RBM47: variants seen among roughly 807,000 people sequenced by gnomAD.
RBM47 encodes the protein RNA-binding protein 47.
A neutral mutation model predicts 47.1 loss-of-function variants in RBM47; 21 were observed. That is an observed-to-expected ratio of 0.45 (90% CI 0.32 to 0.64). The LOEUF is 0.64. Among genes scored for constraint, RBM47 ranks in the 30% least tolerant of loss-of-function variants. RBM47 has a pLI of 0.05. For synonymous variants in RBM47, 375 were observed against 361.7 expected (o/e 1.04, Z -0.42); for missense variants, 708 against 870.9 (o/e 0.81, Z 2.35).
intron 1 of RBM47, among the ~76,000 whole-genome samples, chr4:40,625,685 A>G (rs1737676597): frequency 6.6e-6 from 1 of 152,178 alleles, no homozygotes; most frequent in African/African-American, 2.4e-5. Flanking sequence ...CCCACCAGGA[A>G]CCCACTGTGG....
intron 1 of RBM47, among the ~76,000 whole-genome samples, chr4:40,552,553 G>A (rs1328115041): frequency 6.6e-6 from 1 of 152,176 alleles, no homozygotes; most frequent in Admixed American, 6.6e-5. Context: ...ACTCATTTCT[G>A]TATATGGCTG....
intron 2 of RBM47, among the ~76,000 whole-genome samples, chr4:40,492,921 T>TC (rs1722083548): frequency 6.6e-6 from 1 of 152,136 alleles, no homozygotes; most frequent in Admixed American, 6.5e-5. Context: ...CCCTGCATCT[T>TC]CCCCTTCTGC....
chr4:40,518,805 T>TA (rs61383968), intron 2 of RBM47, among the ~76,000 whole-genome samples: 1,685 of 145,784 alleles, frequency 0.012, 27 homozygotes, highest in African/African-American at 0.038. Flanking sequence ...TTATGAGCTT[T>TA]AAAAAAAAAA....
At chr4:40,527,811 T>C (rs781566599) in intron 2 of RBM47, among the ~76,000 whole-genome samples, 1 of 152,050 alleles carries the variant, frequency 6.6e-6, no homozygotes, top group African/African-American at 2.4e-5. Context: ...ATACTCCATA[T>C]GTACCACAAA....
intron 3 of RBM47, among the ~76,000 whole-genome samples, chr4:40,449,607 G>A (rs1715089741): frequency 6.6e-6 from 1 of 152,188 alleles, no homozygotes; most frequent in African/African-American, 2.4e-5. Context: ...CCACCCTCCC[G>A]AAAGGGGTGG....
chr4:40,500,679 TG>T (rs1723238685), intron 2 of RBM47, among the ~76,000 whole-genome samples: 2 of 152,194 alleles, frequency 1.3e-5, no homozygotes, highest in South Asian at 4.1e-4. Context: ...CTTAATGAAT[TG>T]GTCATAGGTA....
chr4:40,609,303 T>C (rs1218366239), intron 1 of RBM47, among the ~76,000 whole-genome samples: 1 of 150,392 alleles, frequency 6.6e-6, no homozygotes, highest in Admixed American at 6.6e-5. Flanking sequence ...TAATTTTTTA[T>C]TTTTATTTTT....
chr4:40,451,791 G>A (rs1230032833), intron 3 of RBM47, among the ~76,000 whole-genome samples: 5 of 152,180 alleles, frequency 3.3e-5, no homozygotes, highest in African/African-American at 4.8e-5. Context: ...CACTGGCTGC[G>A]TATGAGGCTG....
At chr4:40,571,233 A>G (rs1731675646) in intron 1 of RBM47, among the ~76,000 whole-genome samples, 2 of 151,940 alleles carry the variant, frequency 1.3e-5, no homozygotes, top group Admixed American at 1.3e-4. Flanking sequence ...AAAGAAAAGA[A>G]AAGAAAAGAA....
At chr4:40,549,917 G>A (rs369921465) in intron 1 of RBM47, among the ~76,000 whole-genome samples, 6 of 152,046 alleles carry the variant, frequency 3.9e-5, no homozygotes, top group Non-Finnish European at 5.9e-5. Context: ...TGATCCACCC[G>A]CCTCGGCCTC....
In RBM47 at chr4:40,438,670, A is replaced by G; in HGVS notation, c.224T>C (p.Val75Ala). 2 of 1,612,218 alleles carry G rather than the reference A, an allele frequency of 1.2e-6. No individual in the cohort carries two copies. Among genetic ancestry groups the G allele is most frequent in the Non-Finnish European group, 1.7e-6 (2 of 1,179,084 alleles). ...PHPQRGCEVF[V>A]GKIPRDVYED... ...GTACACGTCGCGCGGGATCTTGCCC[A>G]CGAAGACCTCGCAGCCACGCTGCGG... is the stretch of plus-strand genomic sequence containing the variant. Residue 75 changes from valine (V) to alanine (A), a missense_variant, in exon 4 of 7, where the codon GTG becomes GCG. Coordinates refer to ENST00000295971, the MANE Select transcript of RBM47 (RefSeq NM_001098634.2).
At position 40,629,702 on chromosome 4, in the gene RBM47, C is replaced by A. The variant is rs1738054408; in HGVS notation, c.-546G>T. 1.3e-5 allele frequency: 2 copies of A among 152,226 alleles called. No homozygotes were observed. Among genetic ancestry groups the A allele is most frequent in the African/African-American group, 4.8e-5 (2 of 41,454 alleles). 9.4% of individuals were successfully genotyped at this position (152,226 alleles called of 1,614,324 possible). A position where few individuals can be genotyped will look rare whatever the true frequency, so the allele number is the denominator to read the frequency against. On this transcript the variant is annotated 5_prime_UTR_variant, in exon 1 of 7. Transcript: ENST00000295971. ...AACCCTGGTTTCTCTCTATCCCAAG[C>A]TGCACATTCCACAGTGGAAAGCGGG...
intron 2 of RBM47, among the ~76,000 whole-genome samples, chr4:40,480,880 G>A (rs1253521371): frequency 6.6e-6 from 1 of 152,094 alleles, no homozygotes; most frequent in Non-Finnish European, 1.5e-5. Flanking sequence ...ATTGAATGCT[G>A]GTGGAGAGAA....
intron 3 of RBM47, among the ~76,000 whole-genome samples, chr4:40,457,504 C>G (rs1275413181): frequency 2.0e-5 from 3 of 152,120 alleles, no homozygotes; most frequent in Middle Eastern, 3.4e-3. Context: ...TGTAGTGACA[C>G]GATCTCAGCT....
intron 5 of RBM47, among the ~76,000 whole-genome samples, chr4:40,435,390 T>C (rs183179161): frequency 2.0e-5 from 3 of 151,816 alleles, no homozygotes; most frequent in Admixed American, 1.3e-4. Flanking sequence ...CTCTACTAAA[T>C]ATACAAAAAT....
intron 1 of RBM47, among the ~76,000 whole-genome samples, chr4:40,557,277 C>A (rs1730189717): frequency 6.6e-6 from 1 of 152,156 alleles, no homozygotes; most frequent in Admixed American, 6.6e-5. Context: ...TCTTGGTGTA[C>A]ACTTTCCCTT....
rs751753386 is a variant in RBM47, at chr4:40,432,729, AC to A, written c.1463del (p.Ser488MetfsTer31). On this transcript the variant is annotated frameshift_variant, in exon 6 of 7. Transcript: ENST00000295971. LOFTEE classifies it high-confidence loss of function. ...CGGCCGCGGCTGCGGCGGCAGCAGCACTGGCTGGGTCTGGCTGCACAGCAAT... is the reference window on the plus strand; with the variant it reads ...CGGCCGCGGCTGCGGCGGCAGCAGCATGGCTGGGTCTGGCTGCACAGCAAT... ...SPIAVQPDPA[S>X]AAAAAAAAAA... is the part of the protein sequence containing the mutation. 6.2e-7 allele frequency: 1 copy of A among 1,612,454 alleles called. No individual in the cohort carries two copies. Among genetic ancestry groups the A allele is most frequent in the Admixed American group, 1.7e-5 (1 of 59,846 alleles).
intron 2 of RBM47, among the ~76,000 whole-genome samples, chr4:40,483,758 A>G (rs1720735349): frequency 6.6e-6 from 1 of 152,164 alleles, no homozygotes; most frequent in South Asian, 2.1e-4. Flanking sequence ...TTAATCAACC[A>G]ATAAAATTAG....
chr4:40,615,248 G>A (rs575486124), intron 1 of RBM47, among the ~76,000 whole-genome samples: 22 of 152,290 alleles, frequency 1.4e-4, no homozygotes, highest in Admixed American at 8.5e-4. Context: ...AGACCTGCCT[G>A]GGCAACATGG....
Sources: gnomAD v4.1 joint callset for allele counts (sites outside exome capture counted in the v4.1 genomes callset) on GRCh38, gnomAD v4.1.1 for gene constraint, MANE v1.5 for transcripts, NCBI Gene and HGNC (gene_info 2026-07-23, HGNC 2026-07-21) for gene names.